CDH18: variants seen among roughly 807,000 people sequenced by gnomAD.
CDH18 encodes the protein cadherin 18.
In CDH18, 31 loss-of-function variants were observed where a neutral mutation model predicts 67.9. That is an observed-to-expected ratio of 0.46 (90% CI 0.34 to 0.62). The LOEUF (loss-of-function observed/expected upper bound fraction) is 0.62, where lower values mean the gene tolerates loss of function less well. Among genes scored for constraint, CDH18 ranks in the 20% least tolerant of loss-of-function variants. CDH18 has a pLI of 0.01. For synonymous variants in CDH18, 362 were observed against 347.2 expected (o/e 1.04, Z -0.48); for missense variants, 890 against 975.5 (o/e 0.91, Z 1.17).
chr5:20,378,897 G>C (rs1394021958), intron 1 of CDH18, among the ~76,000 whole-genome samples: 1 of 152,098 alleles, frequency 6.6e-6, no homozygotes, highest in Admixed American at 6.5e-5. Context: ...AAAACAATAA[G>C]AAAAGATATC....
intron 2 of CDH18, among the ~76,000 whole-genome samples, chr5:19,949,480 A>G (rs565364520): frequency 2.0e-5 from 3 of 152,262 alleles, no homozygotes; most frequent in Admixed American, 1.3e-4. Context: ...AAAACCAAAT[A>G]TAAGTTTTGG....
At chr5:20,260,562 A>T (rs1037874882) in intron 1 of CDH18, among the ~76,000 whole-genome samples, 7 of 152,170 alleles carry the variant, frequency 4.6e-5, no homozygotes, top group African/African-American at 1.7e-4. Context: ...GCATTTCAGA[A>T]AGACTTAAAC....
At chr5:19,770,431 C>T (rs1488494038) in intron 3 of CDH18, among the ~76,000 whole-genome samples, 3 of 151,994 alleles carry the variant, frequency 2.0e-5, no homozygotes, top group Admixed American at 1.3e-4. Context: ...AAAAATGTAT[C>T]CCCACACATG....
At chr5:19,842,640 G>T (rs1199429015) in intron 2 of CDH18, among the ~76,000 whole-genome samples, 1 of 152,100 alleles carries the variant, frequency 6.6e-6, no homozygotes, top group Non-Finnish European at 1.5e-5. Flanking sequence ...CCAGTAGAGT[G>T]GGGTGCTGTT....
chr5:19,473,209 T>C lies in CDH18; in HGVS notation c.*17A>G. 2 of 1,606,998 alleles carry C rather than the reference T, an allele frequency of 1.2e-6. No homozygotes were observed. The highest frequency in any genetic ancestry group is 8.5e-7 in the Non-Finnish European group (1 of 1,175,470). ...TACTCAGGAAGCAAATTCCACAAGG[T>C]TGCAAGAACTGACCCCCTAAGTTGT... On this transcript the variant is annotated 3_prime_UTR_variant, in exon 13 of 13. Coordinates refer to ENST00000382275, the MANE Select transcript of CDH18 (RefSeq NM_004934.5).
At chr5:20,488,331 A>G (rs907225431) in intron 1 of CDH18, among the ~76,000 whole-genome samples, 1 of 152,100 alleles carries the variant, frequency 6.6e-6, no homozygotes, top group Non-Finnish European at 1.5e-5. Context: ...GAAACAGTTG[A>G]AGGATTTTCA....
chr5:19,765,294 T>C (rs2086974526), intron 3 of CDH18, among the ~76,000 whole-genome samples: 1 of 152,166 alleles, frequency 6.6e-6, no homozygotes, highest in Non-Finnish European at 1.5e-5. Context: ...CACAGAATAG[T>C]TGATATTCCA....
intron 5 of CDH18, among the ~76,000 whole-genome samples, chr5:19,615,111 C>A (rs1580506980): frequency 6.7e-6 from 1 of 149,390 alleles, no homozygotes; most frequent in African/African-American, 2.5e-5. Context: ...TGCGCCACTA[C>A]ACTCCAGCCC....
At chr5:19,783,955 C>G (rs1268992596) in intron 3 of CDH18, among the ~76,000 whole-genome samples, 1 of 152,010 alleles carries the variant, frequency 6.6e-6, no homozygotes, top group Admixed American at 6.6e-5. Flanking sequence ...TTCCTCTGCC[C>G]TTTATATACA....
intron 1 of CDH18, among the ~76,000 whole-genome samples, chr5:20,284,611 A>G (rs1350365201): frequency 2.0e-5 from 3 of 151,964 alleles, no homozygotes; most frequent in African/African-American, 7.2e-5. Flanking sequence ...CTGCAGAAAA[A>G]ACTGCATTTA....
intron 5 of CDH18, among the ~76,000 whole-genome samples, chr5:19,673,840 T>C (rs528852693): frequency 1.3e-5 from 2 of 152,124 alleles, no homozygotes; most frequent in Non-Finnish European, 2.9e-5. Context: ...AACTGACTCA[T>C]TGACAGGTTA....
At chr5:19,749,420 A>T (rs1770539942) in intron 3 of CDH18, among the ~76,000 whole-genome samples, 1 of 151,548 alleles carries the variant, frequency 6.6e-6, no homozygotes, top group Non-Finnish European at 1.5e-5. Context: ...TAAAAGTTTA[A>T]CAATGATGAA....
At chr5:20,056,229 A>G (rs1393153017) in intron 2 of CDH18, among the ~76,000 whole-genome samples, 1 of 149,070 alleles carries the variant, frequency 6.7e-6, no homozygotes, top group Non-Finnish European at 1.5e-5. Context: ...GTCTTGAACT[A>G]TTGACTTCAG....
At chr5:20,523,623 C>T (rs1457248390) in intron 1 of CDH18, among the ~76,000 whole-genome samples, 1 of 152,170 alleles carries the variant, frequency 6.6e-6, no homozygotes, top group African/African-American at 2.4e-5. Flanking sequence ...TCACTGTAAC[C>T]TCCGCCTCCC....
intron 5 of CDH18, among the ~76,000 whole-genome samples, chr5:19,631,094 T>C (rs1185359755): frequency 1.3e-5 from 2 of 151,744 alleles, no homozygotes; most frequent in East Asian, 3.9e-4. Flanking sequence ...TCAAAGTTAT[T>C]GCATGATCTC....
chr5:19,814,847 TACACACACAC>T (rs200095987), intron 3 of CDH18, among the ~76,000 whole-genome samples: 1 of 127,714 alleles, frequency 7.8e-6, no homozygotes, highest in African/African-American at 2.6e-5. Flanking sequence ...GCAAAATTGT[TACACACACAC>T]ACACACACAC....
intron 8 of CDH18, among the ~76,000 whole-genome samples, chr5:19,568,979 A>T (rs990858441): frequency 6.6e-6 from 1 of 152,220 alleles, no homozygotes; most frequent in Admixed American, 6.5e-5. Flanking sequence ...ATGTTGGAAC[A>T]TATAGAATAA....
At position 20,534,655 on chromosome 5, in the gene CDH18, T is replaced by C. The variant is rs11957662; in HGVS notation, c.-580+40807A>G. Among the ~76,000 whole-genome samples the C allele has an allele frequency of 6.5e-3, 983 of 152,170 alleles. 15 individuals are homozygous for C. Among genetic ancestry groups the C allele is most frequent in the African/African-American group, 0.023 (939 of 41,560 alleles). On this transcript the variant is annotated intron_variant, in intron 1 of 14. Transcript: ENST00000507958. ...CTATCCTTTATTAAATTTGGAACTA[T>C]GTAGCTCATATTTTTTCACCTATGC...
At chr5:20,137,038 G>A (rs1055387306) in intron 2 of CDH18, among the ~76,000 whole-genome samples, 13 of 152,056 alleles carry the variant, frequency 8.5e-5, no homozygotes, top group Non-Finnish European at 1.8e-4. Context: ...TTCAACTTTG[G>A]TGAATCTGAC....
Sources: allele counts gnomAD v4.1 joint callset (sites outside exome capture counted in the v4.1 genomes callset), GRCh38; gene constraint gnomAD v4.1.1; transcripts MANE v1.5; gene names NCBI Gene and HGNC (gene_info 2026-07-23, HGNC 2026-07-21).